PCDHA2: variants seen among roughly 807,000 people sequenced by gnomAD.
PCDHA2 encodes protocadherin alpha-2.
PCDHA2 carries 58 observed loss-of-function variants against 66.0 expected under a neutral mutation model. That is an observed-to-expected ratio of 0.88 (90% CI 0.71 to 1.09). PCDHA2 has a LOEUF of 1.09. Ranked by LOEUF, PCDHA2 falls within the 50% of genes least tolerant of loss-of-function variation. PCDHA2 has a pLI of 0.00. For synonymous variants in PCDHA2, 634 were observed against 554.0 expected (o/e 1.14, Z -2.03); for missense variants, 1,267 against 1,242.3 (o/e 1.02, Z -0.30).
At chr5:140,916,967 G>T (rs1215722713) in intron 1 of PCDHA2, among the ~76,000 whole-genome samples, 1 of 152,194 alleles carries the variant, frequency 6.6e-6, no homozygotes, top group African/African-American at 2.4e-5. Flanking sequence ...TGACTGCTGG[G>T]ATGAGTGATT....
intron 1 of PCDHA2, among the ~76,000 whole-genome samples, chr5:140,895,738 C>A (rs1554186621): frequency 6.6e-6 from 1 of 152,108 alleles, no homozygotes; most frequent in Non-Finnish European, 1.5e-5. Context: ...CAATGGGCTG[C>A]AAAGGGCATG....
At chr5:140,891,409 C>T (rs1295005747) in intron 1 of PCDHA2, among the ~76,000 whole-genome samples, 1 of 148,202 alleles carries the variant, frequency 6.7e-6, no homozygotes, top group Non-Finnish European at 1.5e-5. Context: ...CGCCACCCCC[C>T]ACTCTTGCCC....
At chr5:140,827,346 AAAG>A (rs1451464058) in intron 1 of PCDHA2, among the ~76,000 whole-genome samples, 2 of 152,218 alleles carry the variant, frequency 1.3e-5, no homozygotes, top group Non-Finnish European at 2.9e-5. Context: ...AAGTATATGA[AAAG>A]AAAATATTTT....
At chr5:140,817,974 C>T (rs1766249116) in intron 1 of PCDHA2, among the ~76,000 whole-genome samples, 2 of 152,138 alleles carry the variant, frequency 1.3e-5, no homozygotes, top group African/African-American at 4.8e-5. Flanking sequence ...TTTTTTCTGT[C>T]TAGCTACTTT....
At chr5:140,895,653 A>G (rs1247218282) in intron 1 of PCDHA2, among the ~76,000 whole-genome samples, 1 of 152,150 alleles carries the variant, frequency 6.6e-6, no homozygotes, top group Non-Finnish European at 1.5e-5. Flanking sequence ...GCTCCCACTT[A>G]TAAGTGAGAA....
intron 1 of PCDHA2, chr5:140,828,708 C>T (rs2150158098): frequency 6.2e-7 from 1 of 1,614,220 alleles, no homozygotes. Flanking sequence ...GAGGAAGCTC[C>T]TGCACACAAC....
chr5:140,796,869 TGC>T lies in PCDHA2; in HGVS notation c.1906_1907del (p.Ala636ProfsTer5), dbSNP rs782109876. 14 of 1,613,952 alleles carry T rather than the reference TGC, an allele frequency of 8.7e-6. No homozygotes were observed. In the South Asian group the frequency reaches 1.5e-4, roughly 18 times the overall value. Reference sequence around the variant, plus strand: ...ACACGGGTGAGATCAGCACGACACGTGCCCTAGACGAGGCTGACTCCCCTCGA... The same window carrying T: ...ACACGGGTGAGATCAGCACGACACGTCCTAGACGAGGCTGACTCCCCTCGA... ...LYTGEISTTRALDEADSPRHR... is the reference protein window; with the variant it reads ...LYTGEISTTRXLDEADSPRHR... On this transcript the variant is annotated frameshift_variant, in exon 1 of 4. Coordinates refer to ENST00000526136, the MANE Select transcript of PCDHA2 (RefSeq NM_018905.3). LOFTEE classifies it high-confidence loss of function.
At chr5:140,825,101 T>A (rs2150138221) in intron 1 of PCDHA2, 2 of 151,960 alleles carry the variant, frequency 1.3e-5, no homozygotes, top group African/African-American at 4.8e-5. Context: ...ATTTTTTTCA[T>A]ATACAAATAA....
At chr5:140,942,996 C>T (rs1294135098) in intron 1 of PCDHA2, among the ~76,000 whole-genome samples, 1 of 151,798 alleles carries the variant, frequency 6.6e-6, no homozygotes, top group South Asian at 2.1e-4. Context: ...GTGGCTCATG[C>T]CTGTAATCCC....
intron 1 of PCDHA2, chr5:140,805,052 C>A (rs1763500442): frequency 1.9e-6 from 3 of 1,591,196 alleles, no homozygotes; most frequent in African/African-American, 2.7e-5. Context: ...AAGTACTTGT[C>A]TTCCCAGATA....
At chr5:140,843,177 G>A (rs1778635433) in intron 1 of PCDHA2, 1 of 1,596,058 alleles carries the variant, frequency 6.3e-7, no homozygotes, top group Non-Finnish European at 8.6e-7. Context: ...AGCAGCCCTC[G>A]CATCCCGTTC....
At chr5:140,884,213 G>C in intron 1 of PCDHA2, 1 of 1,613,532 alleles carries the variant, frequency 6.2e-7, no homozygotes, top group East Asian at 2.2e-5. Flanking sequence ...CCGCCTTCTG[G>C]TGCTGGTGAA....
intron 1 of PCDHA2, chr5:140,803,009 C>G: frequency 6.2e-7 from 1 of 1,614,016 alleles, no homozygotes; most frequent in African/African-American, 1.3e-5. Context: ...CAGGCTACAA[C>G]GCGTGGCTTT....
chr5:140,863,443 C>A (rs1389927128), intron 1 of PCDHA2: 2 of 591,510 alleles, frequency 3.4e-6, no homozygotes, highest in Non-Finnish European at 3.2e-6. Flanking sequence ...TGGTCTTACT[C>A]GCAGCAAAGG....
chr5:140,825,781 T>C (rs1469171066), intron 1 of PCDHA2: 1 of 152,484 alleles, frequency 6.6e-6, no homozygotes, highest in African/African-American at 2.4e-5. Context: ...AATTCTACTA[T>C]ATTTTGGTTG....
At chr5:140,928,914 A>C in intron 1 of PCDHA2, 2 of 1,614,136 alleles carry the variant, frequency 1.2e-6, no homozygotes, top group Non-Finnish European at 1.7e-6. Flanking sequence ...GGGAACCAGG[A>C]GGGCAGCTTT....
chr5:140,876,806 T>C (rs1554168956), intron 1 of PCDHA2: 2 of 1,613,976 alleles, frequency 1.2e-6, no homozygotes, highest in South Asian at 2.2e-5. Context: ...TCCGTGGAGG[T>C]GGCCGACGTG....
chr5:140,863,264 C>A (rs1432032847), intron 1 of PCDHA2: 2 of 1,454,796 alleles, frequency 1.4e-6, no homozygotes, highest in African/African-American at 1.4e-5. Context: ...GTCCGGGAGG[C>A]AGCGCTGGTG....
chr5:140,824,314 T>A (rs986796925), intron 1 of PCDHA2: 2 of 754,514 alleles, frequency 2.7e-6, no homozygotes, highest in African/African-American at 1.8e-5. Context: ...AATAGATTCA[T>A]CAGCTTTCTG....
Sources: gnomAD v4.1 joint callset for allele counts (sites outside exome capture counted in the v4.1 genomes callset) on GRCh38, gnomAD v4.1.1 for gene constraint, MANE v1.5 for transcripts, NCBI Gene and HGNC (gene_info 2026-07-23, HGNC 2026-07-21) for gene names.